ZBTB46: variants seen among roughly 807,000 people sequenced by gnomAD.
ZBTB46 encodes zinc finger and BTB domain containing 46, also known as zinc finger and BTB domain-containing protein 46.
In ZBTB46, 8 loss-of-function variants were observed where a neutral mutation model predicts 44.1. That is an observed-to-expected ratio of 0.18 (90% CI 0.11 to 0.33). The LOEUF (loss-of-function observed/expected upper bound fraction) is 0.33, where lower values mean the gene tolerates loss of function less well. Among genes scored for constraint, ZBTB46 ranks in the 10% least tolerant of loss-of-function variants. The pLI is 1.00. For missense variants in ZBTB46, 651 were observed against 847.7 expected (o/e 0.77, Z 2.88); for synonymous variants, 409 against 382.3 (o/e 1.07, Z -0.81).
In ZBTB46 at chr20:63,791,337, T is replaced by C. The variant is rs2872980; in HGVS notation, c.-33-547A>G. 4.3e-3 allele frequency among the ~76,000 whole-genome samples: 644 copies of C among 151,042 alleles called. 13 individuals are homozygous for C. In the South Asian group the frequency reaches 0.056, roughly 13 times the overall value. ...GGTGAAACCCTGTCTCTACTAAAAA[T>C]ACAAAAAAAGCAGCTGGGCATGGTG... On this transcript the variant is annotated intron_variant, in intron 1 of 4. Coordinates refer to ENST00000245663, the MANE Select transcript of ZBTB46 (RefSeq NM_001369741.1).
chr20:63,769,631 G>A (rs1216832013), intron 3 of ZBTB46, among the ~76,000 whole-genome samples: 1 of 152,112 alleles, frequency 6.6e-6, no homozygotes, highest in African/African-American at 2.4e-5. Flanking sequence ...TCCAACAGAG[G>A]GTTTTGGTGG....
intron 3 of ZBTB46, among the ~76,000 whole-genome samples, chr20:63,774,048 A>ACCCCCCACC (rs2092399124): frequency 1.9e-4 from 1 of 5,244 alleles, no homozygotes. Context: ...TGTAAGTGGC[A>ACCCCCCACC]CCCCCCGCCC....
intron 3 of ZBTB46, among the ~76,000 whole-genome samples, chr20:63,761,651 C>T (rs71325466): frequency 5.2e-4 from 79 of 151,842 alleles, no homozygotes; most frequent in African/African-American, 1.7e-3. Context: ...GCGTGGTGGC[C>T]GGTGCCTGTA....
intron 3 of ZBTB46, among the ~76,000 whole-genome samples, chr20:63,755,321 ATCAGCACGGG>A (rs2092210078): frequency 6.6e-6 from 1 of 152,266 alleles, no homozygotes; most frequent in Admixed American, 6.5e-5. Context: ...AGATCAAGGC[ATCAGCACGGG>A]CTGGCTCTCT....
chr20:63,812,113 C>G (rs1031740765), intron 1 of ZBTB46, among the ~76,000 whole-genome samples: 1 of 152,146 alleles, frequency 6.6e-6, no homozygotes, highest in Admixed American at 6.5e-5. Flanking sequence ...AAATTTGCAT[C>G]AACTTTTCCT....
intron 1 of ZBTB46, among the ~76,000 whole-genome samples, chr20:63,822,245 T>C (rs2092796255): frequency 6.6e-6 from 1 of 152,188 alleles, no homozygotes; most frequent in Non-Finnish European, 1.5e-5. Flanking sequence ...CGGAGGTGGC[T>C]GGGAGAACCG....
intron 3 of ZBTB46, among the ~76,000 whole-genome samples, chr20:63,770,064 AAAG>A (rs1383480758): frequency 6.6e-6 from 1 of 152,142 alleles, no homozygotes; most frequent in African/African-American, 2.4e-5. Context: ...TGACTCTTTA[AAAG>A]AGTGAGGGGG....
At chr20:63,755,511 C>A (rs2092212699) in intron 3 of ZBTB46, among the ~76,000 whole-genome samples, 1 of 152,176 alleles carries the variant, frequency 6.6e-6, no homozygotes, top group Non-Finnish European at 1.5e-5. Context: ...GACTTAGGAC[C>A]CATCTGGACA....
intron 3 of ZBTB46, among the ~76,000 whole-genome samples, chr20:63,764,516 A>G (rs1243522464): frequency 6.6e-6 from 1 of 151,994 alleles, no homozygotes; most frequent in Non-Finnish European, 1.5e-5. Context: ...AGTACTTCAA[A>G]GACGTCATTC....
At chr20:63,828,837 T>C (rs895136698) in intron 1 of ZBTB46, among the ~76,000 whole-genome samples, 2 of 152,220 alleles carry the variant, frequency 1.3e-5, no homozygotes, top group South Asian at 2.1e-4. Flanking sequence ...CTAGGCACCG[T>C]GCACGAAGTG....
chr20:63,776,840 A>G (rs1312170992), intron 2 of ZBTB46, among the ~76,000 whole-genome samples: 1 of 152,154 alleles, frequency 6.6e-6, no homozygotes, highest in Non-Finnish European at 1.5e-5. Flanking sequence ...ATATCTGATA[A>G]TAAAAAGGCA....
At chr20:63,822,198 C>T (rs1344773547) in intron 1 of ZBTB46, among the ~76,000 whole-genome samples, 1 of 152,200 alleles carries the variant, frequency 6.6e-6, no homozygotes, top group Non-Finnish European at 1.5e-5. Flanking sequence ...ACACTTGCAG[C>T]ACCAGCCAGC....
At chr20:63,793,459 G>T (rs1161328284) in intron 1 of ZBTB46, among the ~76,000 whole-genome samples, 1 of 152,114 alleles carries the variant, frequency 6.6e-6, no homozygotes, top group Non-Finnish European at 1.5e-5. Flanking sequence ...CCGAAGCTGG[G>T]GGGTCCACAA....
Position 63,789,874 on chromosome 20 carries a change from G to T in ZBTB46, c.884C>A (p.Pro295Gln), listed in dbSNP as rs770925142. Residue 295 changes from proline to glutamine, a missense_variant, in exon 2 of 5, where the codon CCG (proline) becomes CAG (glutamine). Physicochemically the swap from Pro to Gln is moderately conservative, Grantham distance 76. Transcript: ENST00000245663. The part of the protein sequence containing the change: ...QVEDDSRASS[P>Q]VPSFLPTSGW... Reference sequence around the variant, plus strand: ...CGACGTCGGCAGGAAGGACGGCACCGGGGAGCTGGCCCGGCTGTCATCTTC... The same window carrying T: ...CGACGTCGGCAGGAAGGACGGCACCTGGGAGCTGGCCCGGCTGTCATCTTC... 6.2e-7 allele frequency: 1 copy of T among 1,613,436 alleles called. No individual in the cohort carries two copies. The highest frequency in any genetic ancestry group is 8.5e-7 in the Non-Finnish European group (1 of 1,179,994).
At chr20:63,827,602 G>A (rs1387760800) in intron 1 of ZBTB46, among the ~76,000 whole-genome samples, 25 of 140,946 alleles carry the variant, frequency 1.8e-4, no homozygotes, top group East Asian at 1.0e-3. Context: ...GCGACAGAGC[G>A]AGACTCCGTC....
upstream of ZBTB46, among the ~76,000 whole-genome samples, chr20:63,833,179 C>T (rs752520461): frequency 1.3e-5 from 2 of 152,156 alleles, no homozygotes; most frequent in East Asian, 1.9e-4. Flanking sequence ...AGCTGCCTGG[C>T]GGAACACACA....
chr20:63,764,998 A>T (rs2092306975), intron 3 of ZBTB46, among the ~76,000 whole-genome samples: 1 of 151,674 alleles, frequency 6.6e-6, no homozygotes, highest in Non-Finnish European at 1.5e-5. Flanking sequence ...GGCTCACTGC[A>T]ACCTCCACCT....
intron 1 of ZBTB46, among the ~76,000 whole-genome samples, chr20:63,800,819 C>G (rs1286730293): frequency 1.2e-4 from 19 of 152,212 alleles, no homozygotes; most frequent in South Asian, 6.2e-4. Flanking sequence ...TGAGCCTCCC[C>G]CTCCCCGCAG....
intron 1 of ZBTB46, among the ~76,000 whole-genome samples, chr20:63,800,752 G>A (rs951173023): frequency 2.0e-5 from 3 of 152,200 alleles, no homozygotes; most frequent in East Asian, 1.9e-4. Flanking sequence ...TTGATTTCTC[G>A]CCGGCCCTAG....
Sources: gnomAD v4.1 joint callset for allele counts (sites outside exome capture counted in the v4.1 genomes callset) on GRCh38, gnomAD v4.1.1 for gene constraint, MANE v1.5 for transcripts, NCBI Gene and HGNC (gene_info 2026-07-23, HGNC 2026-07-21) for gene names.